ADCY8: variants seen among roughly 807,000 people sequenced by gnomAD.
ADCY8 encodes adenylate cyclase 8.
In ADCY8, 51 loss-of-function variants were observed where a neutral mutation model predicts 119.7. The ratio of observed to expected loss-of-function variants is 0.43; its 90% CI spans 0.34 to 0.54. The LOEUF (loss-of-function observed/expected upper bound fraction) is 0.54, where lower values mean the gene tolerates loss of function less well. Among genes scored for constraint, ADCY8 ranks in the 20% least tolerant of loss-of-function variants. ADCY8 has a pLI of 0.03. For missense variants in ADCY8, 1,383 were observed against 1,598.8 expected (o/e 0.87, Z 2.30); for synonymous variants, 665 against 651.0 (o/e 1.02, Z -0.33).
At chr8:130,811,360 C>T (rs756293771) in intron 14 of ADCY8, among the ~76,000 whole-genome samples, 2 of 152,150 alleles carry the variant, frequency 1.3e-5, no homozygotes, top group Non-Finnish European at 2.9e-5. Context: ...TTTAGGGGCG[C>T]TACAGGTAAC....
In ADCY8 at chr8:130,884,751, G is replaced by T; in HGVS notation, c.1922C>A (p.Ala641Asp). ...NIVGKQNTLA[A>D]LTRNSINLLP... is the part of the protein sequence containing the mutation. ...CAGATTTATTGAATTTCTTGTTAGG[G>T]CAGCCAGAGTCTAGGGGGAAAGCAC... Residue 641 changes from alanine to aspartate, a missense_variant, in exon 8 of 18, where the codon GCC becomes GAC. By Grantham distance (126) the Ala-to-Asp change is moderately radical. Around this residue, in one of 2 missense-constraint regions of ADCY8, gnomAD observed 928 missense variants for 1,163.5 expected, o/e 0.80. Coordinates refer to ENST00000286355, the MANE Select transcript of ADCY8 (RefSeq NM_001115.3). 6.2e-7 allele frequency: 1 copy of T among 1,613,820 alleles called. No homozygotes were observed. The highest frequency in any genetic ancestry group is 8.5e-7 in the Non-Finnish European group (1 of 1,179,778).
At chr8:131,003,822 A>G (rs1823029707) in intron 1 of ADCY8, among the ~76,000 whole-genome samples, 1 of 151,750 alleles carries the variant, frequency 6.6e-6, no homozygotes, top group South Asian at 2.1e-4. Flanking sequence ...TCCACAGATT[A>G]TGGGTGAGCT....
intron 1 of ADCY8, among the ~76,000 whole-genome samples, chr8:131,013,681 G>A (rs1466677547): frequency 6.6e-6 from 1 of 152,156 alleles, no homozygotes; most frequent in Non-Finnish European, 1.5e-5. Flanking sequence ...GTAATGTGAT[G>A]GTTACTATGG....
chr8:130,849,748 C>A lies in ADCY8; in HGVS notation c.2266G>T (p.Val756Phe). ...TAATCCTCTGCTGTGGTGATGAGGA[C>A]CAGAGCCGAGTGCAGCATAATCAGA... ...SILIMLHSAL[V>F]LITTAEDYKC... is the part of the protein sequence containing the mutation. Residue 756 changes from valine to phenylalanine, a missense_variant, in exon 10 of 18, where the codon GTC becomes TTC. Physicochemically the swap from Val to Phe is conservative, Grantham distance 50 (BLOSUM62 -1). This residue lies in a region of ADCY8 where 928 missense variants were observed against 1,163.5 expected (regional missense o/e 0.80). Coordinates refer to ENST00000286355, the MANE Select transcript of ADCY8 (RefSeq NM_001115.3). The A allele has an allele frequency of 6.2e-7, 1 of 1,613,754 alleles. No homozygotes were observed. Among genetic ancestry groups the A allele is most frequent in the Non-Finnish European group, 8.5e-7 (1 of 1,179,844 alleles).
chr8:130,790,843 A>G (rs1243475273), intron 15 of ADCY8, among the ~76,000 whole-genome samples: 2 of 152,180 alleles, frequency 1.3e-5, no homozygotes, highest in Admixed American at 6.5e-5. Context: ...ACTCTTCTCC[A>G]TGGGCCAGCC....
At chr8:130,943,147 A>C (rs980752233) in intron 4 of ADCY8, among the ~76,000 whole-genome samples, 1 of 152,200 alleles carries the variant, frequency 6.6e-6, no homozygotes, top group Non-Finnish European at 1.5e-5. Context: ...CAATTGAGAA[A>C]ATTAATCTGA....
At chr8:130,859,837 G>A (rs1394904841) in intron 9 of ADCY8, among the ~76,000 whole-genome samples, 1 of 151,954 alleles carries the variant, frequency 6.6e-6, no homozygotes, top group Non-Finnish European at 1.5e-5. Context: ...CTCACCTAAC[G>A]ATCTATTTAC....
intron 4 of ADCY8, among the ~76,000 whole-genome samples, chr8:130,939,326 G>GTTTAAAATTTCCAAT (rs1160053368): frequency 3.3e-5 from 5 of 152,118 alleles, no homozygotes; most frequent in Non-Finnish European, 5.9e-5. Context: ...CTCATGCCAA[G>GTTTAAAATTTCCAAT]TTTAAAATTT....
At chr8:130,985,304 A>C (rs1177693923) in intron 2 of ADCY8, among the ~76,000 whole-genome samples, 10 of 152,224 alleles carry the variant, frequency 6.6e-5, no homozygotes, top group Admixed American at 6.5e-4. Context: ...TGAGTTTTGA[A>C]GGATTGATAA....
At chr8:130,907,262 T>C (rs1721939686) in intron 6 of ADCY8, among the ~76,000 whole-genome samples, 1 of 152,132 alleles carries the variant, frequency 6.6e-6, no homozygotes, top group African/African-American at 2.4e-5. Context: ...CCCAGCAAGC[T>C]ATGGTTTAAT....
At chr8:130,964,714 A>G (rs1263299021) in intron 2 of ADCY8, among the ~76,000 whole-genome samples, 2 of 152,224 alleles carry the variant, frequency 1.3e-5, no homozygotes, top group East Asian at 3.8e-4. Flanking sequence ...GGTCTCTGTA[A>G]GAAACAATAG....
At chr8:130,809,433 G>T (rs1816090336) in intron 14 of ADCY8, among the ~76,000 whole-genome samples, 1 of 152,146 alleles carries the variant, frequency 6.6e-6, no homozygotes, top group African/African-American at 2.4e-5. Context: ...TGATACCTTT[G>T]CTCTGGCCTG....
At chr8:131,018,910 C>T (rs1823564369) in intron 1 of ADCY8, among the ~76,000 whole-genome samples, 1 of 152,120 alleles carries the variant, frequency 6.6e-6, no homozygotes, top group Admixed American at 6.6e-5. Context: ...GTTAGGCCTC[C>T]ATGTCTATCA....
chr8:131,021,669 G>C (rs1320553582), intron 1 of ADCY8, among the ~76,000 whole-genome samples: 2 of 152,282 alleles, frequency 1.3e-5, no homozygotes, highest in East Asian at 3.9e-4. Flanking sequence ...GTTCTCACGA[G>C]ATCTGATGGT....
At chr8:130,927,655 C>T (rs1820512584) in intron 5 of ADCY8, among the ~76,000 whole-genome samples, 1 of 151,952 alleles carries the variant, frequency 6.6e-6, no homozygotes, top group Non-Finnish European at 1.5e-5. Flanking sequence ...GATTTTATAT[C>T]CTGCAACTTT....
At chr8:130,799,225 G>A (rs191632571) in intron 15 of ADCY8, among the ~76,000 whole-genome samples, 1 of 152,296 alleles carries the variant, frequency 6.6e-6, no homozygotes, top group East Asian at 1.9e-4. Flanking sequence ...ACAGCATAGT[G>A]ACTATAGTGA....
intron 1 of ADCY8, among the ~76,000 whole-genome samples, chr8:131,028,117 C>T (rs75428523): frequency 0.022 from 3,275 of 152,300 alleles, 139 homozygotes; most frequent in African/African-American, 0.073. Context: ...TTCTTTTAGA[C>T]ATGAAGAAAT....
rs537396285 is a variant in ADCY8 at position 130,853,154 on chromosome 8, A to T, written c.2211-3351T>A. ...GGGCCATTGTTAAAGGTCAGTATAT[A>T]TGCACAGTTCAGACACTTATATTCT... On this transcript the variant is annotated intron_variant, in intron 9 of 17. Coordinates refer to ENST00000286355, the MANE Select transcript of ADCY8 (RefSeq NM_001115.3). 5.9e-5 allele frequency among the ~76,000 whole-genome samples: 9 copies of T among 152,288 alleles called. No individual in the cohort carries two copies. The South Asian group carries it at 1.7e-3, about 28-fold the overall frequency.
At chr8:130,888,516 T>A (rs1451386877) in intron 7 of ADCY8, among the ~76,000 whole-genome samples, 1 of 152,086 alleles carries the variant, frequency 6.6e-6, no homozygotes, top group Non-Finnish European at 1.5e-5. Context: ...TTGAATTCCC[T>A]AGATTTATCC....
Sources: gnomAD v4.1 joint callset for allele counts (sites outside exome capture counted in the v4.1 genomes callset) on GRCh38, gnomAD v4.1.1 for gene constraint, gnomAD v4.1.1 regional missense constraint, MANE v1.5 for transcripts, NCBI Gene and HGNC (gene_info 2026-07-23, HGNC 2026-07-21) for gene names.